RSU1: variants seen among roughly 807,000 people sequenced by gnomAD.
RSU1 encodes the protein rsu-1.
A neutral mutation model predicts 31.1 loss-of-function variants in RSU1; 26 were observed. The observed-to-expected ratio is 0.84, with a 90% CI of 0.61 to 1.16. The LOEUF is 1.16. RSU1 is among the 50% of genes most tolerant of loss of function. The pLI is 0.00. For missense variants in RSU1, 320 were observed against 339.1 expected (o/e 0.94, Z 0.44); for synonymous variants, 164 against 136.3 (o/e 1.20, Z -1.41).
At chr10:16,693,065 C>A (rs188944531) in intron 8 of RSU1, among the ~76,000 whole-genome samples, 92 of 152,226 alleles carry the variant, frequency 6.0e-4, no homozygotes, top group African/African-American at 2.2e-3. Flanking sequence ...CTGGCTCAAG[C>A]GATTCTTGTG....
chr10:16,624,220 C>G (rs77160119), intron 8 of RSU1, among the ~76,000 whole-genome samples: 1,619 of 93,266 alleles, frequency 0.017, 21 homozygotes, highest in African/African-American at 0.1. Context: ...GTGTGTGTGT[C>G]TGTAAGTGTG....
chr10:16,764,512 T>C lies in RSU1; in HGVS notation c.161-2A>G. 3 of 1,611,820 alleles carry C rather than the reference T, an allele frequency of 1.9e-6. No individual in the cohort carries two copies. Among genetic ancestry groups the C allele is most frequent in the African/African-American group, 1.3e-5 (1 of 74,932 alleles). On this transcript the variant is annotated splice_acceptor_variant, in intron 3 of 8. Transcript: ENST00000345264. LOFTEE classifies it high-confidence loss of function. ...GTTCTGCGATGTTCGGTGGCACCAC[T>C]ATGGAAACAAAAATGCTGAGTGTGA...
chr10:16,691,434 AG>A (rs1291575991), intron 8 of RSU1, among the ~76,000 whole-genome samples: 1 of 150,752 alleles, frequency 6.6e-6, no homozygotes, highest in Non-Finnish European at 1.5e-5. Context: ...ATCAGCTAAC[AG>A]TCCATATTTT....
chr10:16,633,987 C>T lies in RSU1; in HGVS notation c.732-40491G>A, dbSNP rs539988319. On this transcript the variant is annotated intron_variant, in intron 8 of 8. Transcript: ENST00000345264. ...TCTCATTAACCTGAAAGACAGATTA[C>T]GGCAGTGCACGATCTCACACTGACG... 2.0e-4 allele frequency among the ~76,000 whole-genome samples: 30 copies of T among 152,282 alleles called. No homozygotes were observed. In the East Asian group the frequency reaches 5.6e-3, roughly 28 times the overall value.
intron 8 of RSU1, among the ~76,000 whole-genome samples, chr10:16,676,972 T>C (rs754228747): frequency 2.0e-5 from 3 of 152,186 alleles, no homozygotes; most frequent in African/African-American, 2.4e-5. Context: ...GTAGGAATAC[T>C]GTTAGGGACC....
At chr10:16,654,327 G>T (rs1427332299) in intron 8 of RSU1, among the ~76,000 whole-genome samples, 1 of 141,310 alleles carries the variant, frequency 7.1e-6, no homozygotes, top group African/African-American at 2.8e-5. Flanking sequence ...ACAAATGTGT[G>T]CCATATTTGG....
At chr10:16,635,412 T>C (rs184776418) in intron 8 of RSU1, among the ~76,000 whole-genome samples, 186 of 152,320 alleles carry the variant, frequency 1.2e-3, no homozygotes, top group Non-Finnish European at 2.2e-3. Flanking sequence ...CTGATAACCC[T>C]GCTTCGTATT....
chr10:16,764,319 T>G lies in RSU1; in HGVS notation c.281+71A>C, dbSNP rs1837268373. The G allele has an allele frequency of 7.7e-6, 11 of 1,433,196 alleles. No homozygotes were observed. The South Asian group carries it at 1.7e-4, about 22-fold the overall frequency. 88.8% of individuals were successfully genotyped at this position (1,433,196 alleles called of 1,614,324 possible). On this transcript the variant is annotated intron_variant, in intron 4 of 8. Transcript: ENST00000345264. ...TGTGCAATAATATAAAAGGAATCCC[T>G]CCCCTGGCCTTACCCGGCATGCCCC...
rs182883284 is a variant in RSU1 at position 16,727,756 on chromosome 10, G to A, written c.598+24783C>T. Among the ~76,000 whole-genome samples, 682 of 152,166 alleles carry A rather than the reference G, an allele frequency of 4.5e-3. 2 individuals are homozygous for A. The highest frequency in any genetic ancestry group is 7.3e-3 in the Admixed American group (111 of 15,270). On this transcript the variant is annotated intron_variant, in intron 7 of 8. Coordinates refer to ENST00000345264, the MANE Select transcript of RSU1 (RefSeq NM_012425.4). ...AAGATACCACTAGCCAAACGGCATCGTGCTAATGACTTCTACTTTTAGATG... is the reference window on the plus strand; with the variant it reads ...AAGATACCACTAGCCAAACGGCATCATGCTAATGACTTCTACTTTTAGATG...
chr10:16,703,561 T>G (rs1030331360), intron 7 of RSU1, among the ~76,000 whole-genome samples: 2 of 152,224 alleles, frequency 1.3e-5, no homozygotes, highest in African/African-American at 4.8e-5. Flanking sequence ...TCTAGGGGGT[T>G]GGTTCATAAT....
intron 8 of RSU1, among the ~76,000 whole-genome samples, chr10:16,675,162 C>T (rs1272688036): frequency 6.1e-5 from 9 of 147,210 alleles, no homozygotes; most frequent in African/African-American, 2.3e-4. Flanking sequence ...GATTGCACCC[C>T]TGCACTCCAG....
At chr10:16,615,769 A>G (rs542370975) in intron 8 of RSU1, among the ~76,000 whole-genome samples, 1 of 152,334 alleles carries the variant, frequency 6.6e-6, no homozygotes, top group South Asian at 2.1e-4. Context: ...TGCTCCAGAA[A>G]GACTCCTGGG....
intron 8 of RSU1, among the ~76,000 whole-genome samples, chr10:16,645,916 A>ATACG (rs1240483239): frequency 2.9e-5 from 1 of 34,200 alleles, no homozygotes; most frequent in African/African-American, 1.1e-4. Context: ...ATATGTATAT[A>ATACG]TATGTGTATA....
At chr10:16,783,105 C>A (rs967283752) in intron 2 of RSU1, among the ~76,000 whole-genome samples, 1 of 151,396 alleles carries the variant, frequency 6.6e-6, no homozygotes, top group Non-Finnish European at 1.5e-5. Flanking sequence ...AGATGTGGTT[C>A]TCGTTATTTT....
At chr10:16,647,618 C>T (rs1437599650) in intron 8 of RSU1, among the ~76,000 whole-genome samples, 1 of 152,092 alleles carries the variant, frequency 6.6e-6, no homozygotes, top group Non-Finnish European at 1.5e-5. Context: ...ATGTCCAGAA[C>T]AGGCAAATGT....
chr10:16,705,020 A>T (rs1208166913), intron 7 of RSU1, among the ~76,000 whole-genome samples: 1 of 152,128 alleles, frequency 6.6e-6, no homozygotes, highest in East Asian at 1.9e-4. Flanking sequence ...ATGCAACAAT[A>T]ACTCCCCATT....
rs139588451 is a variant in RSU1, at chr10:16,705,751, A to G, written c.599-10596T>C. ...ATGATCAGCCCACCTCGGCCTCCCA[A>G]AGTGCTGGGATTACAGGAGTGAGCC... On this transcript the variant is annotated intron_variant, in intron 7 of 8. Transcript: ENST00000345264. 7.9e-3 allele frequency among the ~76,000 whole-genome samples: 1,204 copies of G among 152,234 alleles called. 14 individuals are homozygous for G. Among genetic ancestry groups the G allele is most frequent in the African/African-American group, 0.027 (1,132 of 41,532 alleles).
At chr10:16,814,680 G>A (rs1162387184) in intron 2 of RSU1, among the ~76,000 whole-genome samples, 1 of 152,112 alleles carries the variant, frequency 6.6e-6, no homozygotes, top group East Asian at 1.9e-4. Context: ...ACAGAAGCCA[G>A]AGGAGATGGA....
intron 8 of RSU1, among the ~76,000 whole-genome samples, chr10:16,636,290 A>G (rs758883672): frequency 5.9e-5 from 9 of 151,810 alleles, no homozygotes; most frequent in Middle Eastern, 6.8e-3. Flanking sequence ...TTCACTCTCA[A>G]TATTCCCCCA....
Sources: gnomAD v4.1 joint callset for allele counts (sites outside exome capture counted in the v4.1 genomes callset) on GRCh38, gnomAD v4.1.1 for gene constraint, MANE v1.5 for transcripts, NCBI Gene and HGNC (gene_info 2026-07-23, HGNC 2026-07-21) for gene names.